The following ARHGAP26 variants were observed in gnomAD, a reference collection of about 807,000 sequenced individuals.
The protein encoded by ARHGAP26 is rho GTPase-activating protein 26.
In ARHGAP26, 38 loss-of-function variants were observed where a neutral mutation model predicts 104.8. That is an observed-to-expected ratio of 0.36 (90% CI 0.28 to 0.48). The LOEUF (loss-of-function observed/expected upper bound fraction) is 0.48. Ranked by LOEUF, ARHGAP26 falls within the 20% of genes least tolerant of loss-of-function variation. ARHGAP26 has a pLI of 0.99. For synonymous variants in ARHGAP26, 341 were observed against 340.0 expected (o/e 1.00, Z -0.03); for missense variants, 704 against 947.9 (o/e 0.74, Z 3.38).
At chr5:142,779,427 GT>G in intron 1 of ARHGAP26, among the ~76,000 whole-genome samples, 1 of 91,312 alleles carries the variant, frequency 1.1e-5, no homozygotes, top group African/African-American at 2.0e-4. Flanking sequence ...TTAGGGTGGT[GT>G]GTGTGTGTGT....
At chr5:142,885,515 A>C (rs574154121) in intron 5 of ARHGAP26, 116 bp downstream of exon 5, 8 of 827,582 alleles carry the variant, frequency 9.7e-6, no homozygotes, top group Non-Finnish European at 1.5e-5. Flanking sequence ...CTGGGAAGCC[A>C]GGAGATTGCT....
intron 17 of ARHGAP26, among the ~76,000 whole-genome samples, chr5:143,117,814 C>T (rs1795671568): frequency 6.6e-6 from 1 of 152,130 alleles, no homozygotes; most frequent in Non-Finnish European, 1.5e-5. Flanking sequence ...AGATACATTC[C>T]CCAAAAATCA....
At chr5:142,798,006 C>T (rs1459047238) in intron 1 of ARHGAP26, among the ~76,000 whole-genome samples, 1 of 152,228 alleles carries the variant, frequency 6.6e-6, no homozygotes, top group Non-Finnish European at 1.5e-5. Flanking sequence ...CCCAGCCTTT[C>T]TCTTTCTTGA....
At chr5:142,972,812 C>G (rs925301694) in intron 11 of ARHGAP26, among the ~76,000 whole-genome samples, 1 of 152,052 alleles carries the variant, frequency 6.6e-6, no homozygotes, top group Admixed American at 6.5e-5. Flanking sequence ...TTCCACTACC[C>G]CAAACCTGGT....
chr5:142,895,430 C>T (rs2152434890), intron 6 of ARHGAP26, among the ~76,000 whole-genome samples: 1 of 152,154 alleles, frequency 6.6e-6, no homozygotes, highest in African/African-American at 2.4e-5. Context: ...CGGGGTTTCA[C>T]CATGTTGGCC....
At chr5:143,187,423 T>G (rs1805314979) in intron 20 of ARHGAP26, among the ~76,000 whole-genome samples, 2 of 152,218 alleles carry the variant, frequency 1.3e-5, no homozygotes, top group Non-Finnish European at 1.5e-5. Context: ...TGGAATGGCA[T>G]TTCACCTGTT....
chr5:142,961,288 C>T (rs1770187474), intron 11 of ARHGAP26, among the ~76,000 whole-genome samples: 1 of 151,682 alleles, frequency 6.6e-6, no homozygotes, highest in Non-Finnish European at 1.5e-5. Flanking sequence ...CCCAGGAGTT[C>T]CAGACTAGCC....
At chr5:142,810,874 G>A (rs1763942691) in intron 1 of ARHGAP26, among the ~76,000 whole-genome samples, 1 of 152,204 alleles carries the variant, frequency 6.6e-6, no homozygotes, top group Non-Finnish European at 1.5e-5. Flanking sequence ...CCTACATAAA[G>A]CGATTTGTGG....
rs1379084324 is a variant in ARHGAP26 at position 143,224,451 on chromosome 5, C to T, written c.*2005C>T. On this transcript the variant is annotated 3_prime_UTR_variant, in exon 23 of 23. Transcript: ENST00000645722. ...GAGCATCTCCAGGCAATGAGTTTTT[C>T]AAAGAATGCCTACTTAGTAGTAAGA... The T allele has an allele frequency of 4.4e-6, 1 of 228,846 alleles. No individual in the cohort carries two copies. The highest frequency in any genetic ancestry group is 8.7e-6 in the Non-Finnish European group (1 of 115,418). 14.2% of individuals were successfully genotyped at this position (228,846 alleles called of 1,614,324 possible).
intron 8 of ARHGAP26, among the ~76,000 whole-genome samples, chr5:142,905,162 A>G (rs1598174543): frequency 6.6e-6 from 1 of 152,242 alleles, no homozygotes; most frequent in East Asian, 1.9e-4. Context: ...ACTTGAAAAT[A>G]TAAATTTTTA....
At chr5:142,809,436 G>C (rs979112707) in intron 1 of ARHGAP26, among the ~76,000 whole-genome samples, 3 of 152,182 alleles carry the variant, frequency 2.0e-5, no homozygotes, top group Non-Finnish European at 2.9e-5. Flanking sequence ...TGTTCTTCCT[G>C]TTTTGGACAC....
chr5:142,943,516 C>A (rs116253715), intron 11 of ARHGAP26, among the ~76,000 whole-genome samples: 1 of 152,124 alleles, frequency 6.6e-6, no homozygotes, highest in Non-Finnish European at 1.5e-5. Flanking sequence ...CCATCCCATT[C>A]ATGAGGGCTC....
At chr5:142,832,131 T>G (rs1768562307) in intron 1 of ARHGAP26, among the ~76,000 whole-genome samples, 1 of 152,186 alleles carries the variant, frequency 6.6e-6, no homozygotes, top group African/African-American at 2.4e-5. Flanking sequence ...CAGATAATAG[T>G]CTATTTTTGA....
At chr5:142,954,211 A>G (rs542052854) in intron 11 of ARHGAP26, among the ~76,000 whole-genome samples, 1 of 152,194 alleles carries the variant, frequency 6.6e-6, no homozygotes, top group African/African-American at 2.4e-5. Flanking sequence ...AAATATAAGA[A>G]TGTTAGGCCC....
intron 11 of ARHGAP26, among the ~76,000 whole-genome samples, chr5:142,941,353 C>T (rs1766325976): frequency 6.6e-6 from 1 of 151,990 alleles, no homozygotes; most frequent in Non-Finnish European, 1.5e-5. Flanking sequence ...TGTATTTCTC[C>T]AGTGATCAGT....
intron 6 of ARHGAP26, among the ~76,000 whole-genome samples, chr5:142,898,061 A>G (rs1759732399): frequency 6.6e-6 from 1 of 152,048 alleles, no homozygotes; most frequent in Admixed American, 6.6e-5. Flanking sequence ...GATATTATTG[A>G]CCTTCAGAAA....
At chr5:142,807,888 G>T (rs549293844) in intron 1 of ARHGAP26, among the ~76,000 whole-genome samples, 166 of 152,196 alleles carry the variant, frequency 1.1e-3, no homozygotes, top group African/African-American at 3.8e-3. Context: ...TTAGAAAGAT[G>T]GGTTGAAAAG....
chr5:143,201,385 T>G (rs1052159804), intron 20 of ARHGAP26, among the ~76,000 whole-genome samples: 3 of 152,204 alleles, frequency 2.0e-5, no homozygotes, highest in African/African-American at 7.2e-5. Flanking sequence ...CTTTTAATTG[T>G]TTGTTATCCT....
intron 20 of ARHGAP26, among the ~76,000 whole-genome samples, chr5:143,191,979 G>A (rs567869509): frequency 1.2e-4 from 19 of 152,290 alleles, no homozygotes; most frequent in African/African-American, 4.6e-4. Context: ...TTCCCTGTCT[G>A]CCAGCAGTCT....
Sources: gnomAD v4.1 joint callset for allele counts (sites outside exome capture counted in the v4.1 genomes callset) on GRCh38, gnomAD v4.1.1 for gene constraint, MANE v1.5 for transcripts, NCBI Gene and HGNC (gene_info 2026-07-23, HGNC 2026-07-21) for gene names.